The following ANKRD30A variants were observed in gnomAD, a reference collection of about 807,000 sequenced individuals.
ANKRD30A encodes the protein ankyrin repeat domain 30A.
ANKRD30A carries 170 observed loss-of-function variants against 166.3 expected under a neutral mutation model. That is an observed-to-expected ratio of 1.02 (90% CI 0.90 to 1.16). The LOEUF is 1.16. Among genes scored for constraint, ANKRD30A ranks in the 50% most tolerant of loss-of-function variants. The probability of loss-of-function intolerance (pLI) is 0.00; values close to 1 mark genes in which losing one functional copy is unlikely to be tolerated. For missense variants in ANKRD30A, 1,630 were observed against 1,518.0 expected (o/e 1.07, Z -1.23); for synonymous variants, 564 against 508.9 (o/e 1.11, Z -1.46).
Position 37,138,868 on chromosome 10 carries a change from T to C in ANKRD30A, c.820+2197T>C, listed in dbSNP as rs1242542127. 6.6e-5 allele frequency among the ~76,000 whole-genome samples: 10 copies of C among 151,958 alleles called. 1 individual carries two copies. The highest frequency in any genetic ancestry group is 5.9e-4 in the Admixed American group (9 of 15,258). On this transcript the variant is annotated intron_variant, in intron 6 of 35. Transcript: ENST00000361713. ...CAGGCCAACATTCAAATTCAGGAAA[T>C]ACAGAGAACGCTGCAAAGATACTCC...
At chr10:37,247,897 AAG>A in the ANKRD30A span, among the ~76,000 whole-genome samples, 2 of 151,514 alleles carry the variant, frequency 1.3e-5, no homozygotes, top group Non-Finnish European at 2.9e-5. Flanking sequence ...AAAAAAAAAA[AAG>A]AAAAAATAAC....
chr10:37,261,268 G>T, the ANKRD30A span, among the ~76,000 whole-genome samples: 6 of 152,112 alleles, frequency 3.9e-5, no homozygotes, highest in Admixed American at 1.3e-4. Context: ...GAAAACTGAA[G>T]CTTTGAAATC....
At chr10:37,225,436 A>G (rs958668436) in intron 34 of ANKRD30A, among the ~76,000 whole-genome samples, 1 of 151,758 alleles carries the variant, frequency 6.6e-6, no homozygotes, top group Non-Finnish European at 1.5e-5. Context: ...AAGAAGTTAA[A>G]GGAATGTTAA....
chr10:37,133,525 A>G (rs1418174078), intron 4 of ANKRD30A, among the ~76,000 whole-genome samples: 1 of 152,212 alleles, frequency 6.6e-6, no homozygotes, highest in African/African-American at 2.4e-5. Context: ...TACTACTAAT[A>G]TCATTATTCC....
chr10:37,153,446 C>G (rs1838113523), intron 12 of ANKRD30A, 126 bp from the exon 13 acceptor site: 4 of 1,418,826 alleles, frequency 2.8e-6, no homozygotes, highest in Non-Finnish European at 3.8e-6. Context: ...TGTATCTGCA[C>G]TTAAGTCGAA....
the ANKRD30A span, among the ~76,000 whole-genome samples, chr10:37,245,821 T>C: frequency 6.6e-6 from 1 of 152,310 alleles, no homozygotes; most frequent in Non-Finnish European, 1.5e-5. Flanking sequence ...TTTATGACAG[T>C]ATGACTGAAA....
intron 1 of ANKRD30A, among the ~76,000 whole-genome samples, chr10:37,127,696 T>C (rs891716365): frequency 6.6e-6 from 1 of 152,102 alleles, no homozygotes; most frequent in African/African-American, 2.4e-5. Flanking sequence ...GGAAATAATA[T>C]TTAGTGTTCC....
At chr10:37,148,245 A>G (rs1255999942) in intron 9 of ANKRD30A, among the ~76,000 whole-genome samples, 1 of 152,096 alleles carries the variant, frequency 6.6e-6, no homozygotes, top group Non-Finnish European at 1.5e-5. Flanking sequence ...GTGGAAGAAG[A>G]GCAATTGGAT....
intron 34 of ANKRD30A, 67 bp downstream of exon 34, chr10:37,219,964 T>A: frequency 8.6e-7 from 1 of 1,168,508 alleles, no homozygotes; most frequent in Non-Finnish European, 1.1e-6. Context: ...ATATTTGGCC[T>A]TGGCTAAATG....
chr10:37,195,141 T>C (rs11011061), intron 27 of ANKRD30A, among the ~76,000 whole-genome samples: 2,651 of 152,168 alleles, frequency 0.017, 158 homozygotes, highest in East Asian at 0.14. Context: ...AGATCAGAAG[T>C]TAGAACAAGA....
intron 15 of ANKRD30A, among the ~76,000 whole-genome samples, chr10:37,159,554 T>C (rs562105944): frequency 3.9e-5 from 6 of 152,308 alleles, no homozygotes; most frequent in Admixed American, 6.5e-5. Context: ...ACAACATGTA[T>C]GTGGTTATAG....
chr10:37,128,127 G>T (rs1310548951), intron 1 of ANKRD30A, among the ~76,000 whole-genome samples: 5 of 152,014 alleles, frequency 3.3e-5, no homozygotes, highest in Non-Finnish European at 7.4e-5. Flanking sequence ...GTAAAGTTCA[G>T]TTTGACTATA....
At chr10:37,240,447 C>T in the ANKRD30A span, among the ~76,000 whole-genome samples, 34 of 152,132 alleles carry the variant, frequency 2.2e-4, no homozygotes, top group African/African-American at 6.3e-4. Flanking sequence ...CATTTTAAAT[C>T]TCCAGTCTTT....
rs1346544048 is a variant in ANKRD30A at position 37,133,933 on chromosome 10, C to T, written c.635C>T (p.Ala212Val). Reference sequence around the variant, plus strand: ...TATTTTAGCACAGCCCTCATGCTTGCTGTATGTCATGGATCATCAGAGATA... The same window carrying T: ...TATTTTAGCACAGCCCTCATGCTTGTTGTATGTCATGGATCATCAGAGATA... ...NKYKCTALMLAVCHGSSEIVG... is the reference protein window; with the variant it reads ...NKYKCTALMLVVCHGSSEIVG... Residue 212 changes from alanine to valine, a missense_variant, in exon 5 of 36, where the codon GCT becomes GTT. Ala to Val is a moderately conservative substitution (Grantham distance 64, BLOSUM62 0). This residue lies in a region of ANKRD30A where 904 missense variants were observed against 818.5 expected (regional missense o/e 1.10). Transcript: ENST00000361713. The T allele has an allele frequency of 7.4e-6, 12 of 1,613,968 alleles. No homozygotes were observed. The highest frequency in any genetic ancestry group is 1.0e-5 in the Non-Finnish European group (12 of 1,179,924).
intron 31 of ANKRD30A, among the ~76,000 whole-genome samples, chr10:37,212,627 G>A (rs1289025222): frequency 6.6e-6 from 1 of 151,920 alleles, no homozygotes; most frequent in Non-Finnish European, 1.5e-5. Flanking sequence ...TATACCACAA[G>A]GCTACAGTAA....
chr10:37,198,160 A>G (rs1841307017), intron 29 of ANKRD30A, among the ~76,000 whole-genome samples: 1 of 152,122 alleles, frequency 6.6e-6, no homozygotes, highest in Admixed American at 6.6e-5. Flanking sequence ...CCAATATTCT[A>G]AACTGTTTTT....
intron 11 of ANKRD30A, among the ~76,000 whole-genome samples, chr10:37,151,605 C>T (rs17605819): frequency 6.6e-6 from 1 of 151,948 alleles, no homozygotes; most frequent in Non-Finnish European, 1.5e-5. Flanking sequence ...AGTTAATACT[C>T]CTAAAAAATC....
intron 6 of ANKRD30A, among the ~76,000 whole-genome samples, chr10:37,137,606 C>G (rs1247428532): frequency 6.6e-6 from 1 of 152,184 alleles, no homozygotes; most frequent in Non-Finnish European, 1.5e-5. Flanking sequence ...GGGTCCTACC[C>G]CCATGGAACC....
At chr10:37,238,130 TC>T in the ANKRD30A span, among the ~76,000 whole-genome samples, 1 of 152,130 alleles carries the variant, frequency 6.6e-6, no homozygotes, top group Non-Finnish European at 1.5e-5. Flanking sequence ...AGAAGCTTCT[TC>T]CCCATGTTTT....
Sources: gnomAD v4.1 joint callset for allele counts (sites outside exome capture counted in the v4.1 genomes callset) on GRCh38, gnomAD v4.1.1 for gene constraint, gnomAD v4.1.1 regional missense constraint, MANE v1.5 for transcripts, NCBI Gene and HGNC (gene_info 2026-07-23, HGNC 2026-07-21) for gene names.